SLC9A7: variants seen among roughly 807,000 people sequenced by gnomAD.
SLC9A7 encodes solute carrier family 9 member A7.
Under a neutral mutation model 52.6 loss-of-function variants are expected in SLC9A7, and 19 were observed. The ratio of observed to expected loss-of-function variants is 0.36; its 90% CI spans 0.25 to 0.53. SLC9A7 has a LOEUF of 0.53. Ranked by LOEUF, SLC9A7 falls within the 20% of genes least tolerant of loss-of-function variation. SLC9A7 has a pLI of 0.91. For missense variants in SLC9A7, 455 were observed against 597.9 expected (o/e 0.76, Z 2.49); for synonymous variants, 226 against 252.1 (o/e 0.90, Z 0.98).
chrX:46,694,737 C>T (rs1944425896), intron 1 of SLC9A7, among the ~76,000 whole-genome samples: 1 of 111,962 alleles, frequency 8.9e-6, no homozygotes, highest in South Asian at 3.7e-4. Flanking sequence ...ACACTCTACC[C>T]TAGACTAGAA....
intron 1 of SLC9A7, among the ~76,000 whole-genome samples, chrX:46,700,509 T>G (rs1440058602): frequency 8.9e-6 from 1 of 112,143 alleles, no homozygotes; most frequent in Admixed American, 9.4e-5. Context: ...GTTTTTCCTC[T>G]GAGCTTCTGC....
At chrX:46,614,044 A>G (rs1386186107) in intron 15 of SLC9A7, among the ~76,000 whole-genome samples, 4 of 111,597 alleles carry the variant, frequency 3.6e-5, no homozygotes, top group African/African-American at 1.3e-4. Context: ...AGGCTTTTCA[A>G]CCTCAACACT....
chrX:46,739,118 T>C (rs1429643126), intron 1 of SLC9A7, among the ~76,000 whole-genome samples: 3 of 112,074 alleles, frequency 2.7e-5, no homozygotes, highest in Non-Finnish European at 5.6e-5. Context: ...TGAGGTTTTT[T>C]AACACATATG....
At chrX:46,647,184 T>C in intron 11 of SLC9A7, 1 of 275,810 alleles carries the variant, frequency 3.6e-6, no homozygotes, top group South Asian at 4.4e-5. Flanking sequence ...ATGTTGAACT[T>C]ATAGCCAGTA....
intron 1 of SLC9A7, among the ~76,000 whole-genome samples, chrX:46,713,732 G>A (rs1287059074): frequency 9.1e-6 from 1 of 110,135 alleles, no homozygotes; most frequent in African/African-American, 3.3e-5. Flanking sequence ...TCCAGAACCC[G>A]GTGACTTCCC....
At chrX:46,638,100 G>C (rs1943349911) in intron 12 of SLC9A7, among the ~76,000 whole-genome samples, 1 of 111,543 alleles carries the variant, frequency 9.0e-6, no homozygotes, top group African/African-American at 3.3e-5. Context: ...GAGGTCACAG[G>C]GGTCAAAATG....
At chrX:46,721,140 T>C (rs969882070) in intron 1 of SLC9A7, among the ~76,000 whole-genome samples, 4 of 112,210 alleles carry the variant, frequency 3.6e-5, no homozygotes, top group African/African-American at 1.3e-4. Context: ...AAATATAATT[T>C]GATTTAAGGT....
At position 46,606,078 on chromosome X, in the gene SLC9A7, C is replaced by A. The variant is rs144446691; in HGVS notation, c.*874G>T. Reference sequence around the variant, plus strand: ...GCTGAGGCAGGAGAATCACTTGAACCCGTGAGGCAGAGGTTGCAGTGAGCC... The same window carrying A: ...GCTGAGGCAGGAGAATCACTTGAACACGTGAGGCAGAGGTTGCAGTGAGCC... On this transcript the variant is annotated 3_prime_UTR_variant, in exon 17 of 17. Transcript: ENST00000616978. 38 of 150,592 alleles carry A rather than the reference C, an allele frequency of 2.5e-4. No homozygotes were observed. The East Asian group carries it at 7.3e-3, about 29-fold the overall frequency. The allele number at this position is 150,592 out of a possible 1,213,427, so 12.4% of individuals were successfully genotyped here. A position where few individuals can be genotyped will look rare whatever the true frequency, so the allele number is the denominator to read the frequency against.
Position 46,737,131 on chromosome X carries a change from T to G in SLC9A7, c.325+21574A>C, listed in dbSNP as rs150331851. 6.5e-3 allele frequency among the ~76,000 whole-genome samples: 722 copies of G among 111,759 alleles called. 3 individuals carry two copies. Among genetic ancestry groups the G allele is most frequent in the Middle Eastern group, 0.018 (4 of 218 alleles). On this transcript the variant is annotated intron_variant, in intron 1 of 16. Coordinates refer to ENST00000616978, the MANE Select transcript of SLC9A7 (RefSeq NM_001257291.2). ...TTTCTGTTACTTTCTTCCTGCAGAT[T>G]AAGACTTTTGTTCCTTAGGGAGATG...
intron 1 of SLC9A7, among the ~76,000 whole-genome samples, chrX:46,692,307 G>T (rs1004219728): frequency 9.0e-6 from 1 of 111,608 alleles, no homozygotes; most frequent in African/African-American, 3.3e-5. Context: ...CCATTAGGAA[G>T]ATTTTTTTCA....
In SLC9A7 at chrX:46,673,355, A is replaced by AACACAC. The variant is rs57016133; in HGVS notation, c.604-734_604-729dup. Among the ~76,000 whole-genome samples the AACACAC allele has an allele frequency of 7.0e-3, 721 of 102,624 alleles. 6 individuals carry two copies. Among genetic ancestry groups the AACACAC allele is most frequent in the African/African-American group, 0.024 (689 of 28,215 alleles). 89.1% of individuals were successfully genotyped at this position (102,624 alleles called of 115,157 possible). ...ATTCATTGGTTACCTTAAAAATATA[A>AACACAC]ACACACACACACACACACACACACA... On this transcript the variant is annotated intron_variant, in intron 3 of 16. Transcript: ENST00000616978.
intron 1 of SLC9A7, among the ~76,000 whole-genome samples, chrX:46,745,770 A>T (rs1921711425): frequency 9.2e-6 from 1 of 109,245 alleles, no homozygotes. Context: ...ACTTGAGCCC[A>T]GGAGTTCAAG....
intron 1 of SLC9A7, among the ~76,000 whole-genome samples, chrX:46,694,432 T>C (rs1349531513): frequency 9.0e-6 from 1 of 111,620 alleles, no homozygotes; most frequent in African/African-American, 3.3e-5. Context: ...GGGCAAAAGA[T>C]TAGAATAGAC....
intron 16 of SLC9A7, among the ~76,000 whole-genome samples, chrX:46,609,932 G>A (rs1468796458): frequency 1.8e-5 from 2 of 111,629 alleles, no homozygotes; most frequent in Non-Finnish European, 3.8e-5. Context: ...GGAGGCTGAG[G>A]CACGAGAATC....
rs1387029716 is a variant in SLC9A7, at chrX:46,742,238, C to T, written c.325+16467G>A. ...CTTATAAAGTTAAACATATGCCTACCCTCTGACCCAGCAATCCCATTCCTG... is the reference window on the plus strand; with the variant it reads ...CTTATAAAGTTAAACATATGCCTACTCTCTGACCCAGCAATCCCATTCCTG... On this transcript the variant is annotated intron_variant, in intron 1 of 16. Transcript: ENST00000616978. Among the ~76,000 whole-genome samples the T allele has an allele frequency of 4.5e-5, 5 of 110,669 alleles. No individual in the cohort carries two copies. The Admixed American group carries it at 4.8e-4, about 11-fold the overall frequency.
chrX:46,703,862 C>T (rs750397703), intron 1 of SLC9A7, among the ~76,000 whole-genome samples: 3 of 111,735 alleles, frequency 2.7e-5, no homozygotes, highest in South Asian at 7.5e-4. Context: ...ATCATAATTC[C>T]GTGGAAGGGC....
At chrX:46,731,409 T>C (rs1368732184) in intron 1 of SLC9A7, among the ~76,000 whole-genome samples, 3 of 90,237 alleles carry the variant, frequency 3.3e-5, no homozygotes, top group East Asian at 3.5e-4. Context: ...CTAGGCAACA[T>C]AGCCATACTC....
intron 1 of SLC9A7, among the ~76,000 whole-genome samples, chrX:46,730,249 A>T (rs1273537814): frequency 9.0e-6 from 1 of 111,468 alleles, no homozygotes; most frequent in South Asian, 3.7e-4. Flanking sequence ...TCACTTGAAA[A>T]TTTTCAGAAA....
At chrX:46,668,346 C>T (rs1378901703) in intron 5 of SLC9A7, among the ~76,000 whole-genome samples, 6 of 111,052 alleles carry the variant, frequency 5.4e-5, no homozygotes, top group Admixed American at 9.6e-5. Flanking sequence ...CCTGTCTCTA[C>T]TAAAAATACA....
Sources: gnomAD v4.1 joint callset for allele counts (sites outside exome capture counted in the v4.1 genomes callset) on GRCh38, gnomAD v4.1.1 for gene constraint, MANE v1.5 for transcripts, NCBI Gene and HGNC (gene_info 2026-07-23, HGNC 2026-07-21) for gene names.